ZNF804A: variants seen among roughly 807,000 people sequenced by gnomAD.
ZNF804A encodes the protein zinc finger protein 804A.
ZNF804A carries 2 observed loss-of-function variants against 16.5 expected under a neutral mutation model. The ratio of observed to expected loss-of-function variants is 0.12; its 90% confidence interval spans 0.05 to 0.38. ZNF804A has a LOEUF of 0.38. Among genes scored for constraint, ZNF804A ranks in the 10% least tolerant of loss-of-function variants. The pLI, the probability that ZNF804A is intolerant of heterozygous loss-of-function variation, is 0.99. For synonymous variants in ZNF804A, 534 were observed against 489.6 expected (o/e 1.09, Z -1.20); for missense variants, 1,473 against 1,390.7 (o/e 1.06, Z -0.94).
chr2:184,823,869 G>A (rs536491911), intron 1 of ZNF804A, among the ~76,000 whole-genome samples: 3 of 151,938 alleles, frequency 2.0e-5, no homozygotes, highest in African/African-American at 7.2e-5. Flanking sequence ...GATTCCAGCA[G>A]GTAAGAAAAA....
chr2:184,927,671 G>C (rs923995887), intron 2 of ZNF804A, among the ~76,000 whole-genome samples: 1 of 152,050 alleles, frequency 6.6e-6, no homozygotes, highest in African/African-American at 2.4e-5. Context: ...TTGTACTGTC[G>C]CTGAGCTGGC....
intron 1 of ZNF804A, among the ~76,000 whole-genome samples, chr2:184,793,537 T>C (rs1406310791): frequency 6.6e-6 from 1 of 152,284 alleles, no homozygotes; most frequent in African/African-American, 2.4e-5. Flanking sequence ...TGTTGAGCAA[T>C]TTTTCATATG....
chr2:184,707,840 C>T (rs950839936), intron 1 of ZNF804A, among the ~76,000 whole-genome samples: 4 of 151,882 alleles, frequency 2.6e-5, no homozygotes, highest in African/African-American at 4.8e-5. Flanking sequence ...AATGGTAGTT[C>T]GAAGTTCTTT....
chr2:184,862,121 T>C (rs1695810153), intron 1 of ZNF804A, among the ~76,000 whole-genome samples: 1 of 152,174 alleles, frequency 6.6e-6, no homozygotes, highest in African/African-American at 2.4e-5. Context: ...GTGAACATTT[T>C]GGATTGTATA....
intron 1 of ZNF804A, among the ~76,000 whole-genome samples, chr2:184,680,739 T>C (rs1199923706): frequency 1.3e-5 from 2 of 152,270 alleles, no homozygotes; most frequent in African/African-American, 2.4e-5. Context: ...ATGGCAGGGC[T>C]GAAAGAACTG....
At chr2:184,898,942 G>C (rs921702056) in intron 2 of ZNF804A, among the ~76,000 whole-genome samples, 1 of 151,784 alleles carries the variant, frequency 6.6e-6, no homozygotes, top group African/African-American at 2.4e-5. Context: ...TACAATTAGT[G>C]GTCATTATAA....
intron 1 of ZNF804A, among the ~76,000 whole-genome samples, chr2:184,603,185 T>C (rs1414407006): frequency 6.6e-6 from 1 of 152,180 alleles, no homozygotes; most frequent in Non-Finnish European, 1.5e-5. Flanking sequence ...CATTCAAATT[T>C]ATCGAGGTGC....
intron 1 of ZNF804A, among the ~76,000 whole-genome samples, chr2:184,756,723 A>C (rs1243861555): frequency 2.6e-5 from 4 of 152,064 alleles, no homozygotes; most frequent in Non-Finnish European, 5.9e-5. Flanking sequence ...TAGACATTTA[A>C]ATACATGTGT....
chr2:184,642,742 T>C (rs144870006), intron 1 of ZNF804A, among the ~76,000 whole-genome samples: 72 of 152,294 alleles, frequency 4.7e-4, no homozygotes, highest in African/African-American at 1.7e-3. Flanking sequence ...GGATAACAAT[T>C]ATAGAAGCTC....
chr2:184,807,881 A>G (rs1049591039), intron 1 of ZNF804A, among the ~76,000 whole-genome samples: 1 of 151,756 alleles, frequency 6.6e-6, no homozygotes, highest in African/African-American at 2.4e-5. Context: ...ATTTAGAGAA[A>G]GGGCAAGAAA....
chr2:184,610,913 A>C (rs1434022270), intron 1 of ZNF804A, among the ~76,000 whole-genome samples: 1 of 152,220 alleles, frequency 6.6e-6, no homozygotes, highest in African/African-American at 2.4e-5. Context: ...GGATTTACAT[A>C]ATTTGGACAC....
chr2:184,686,877 C>A (rs1692644752), intron 1 of ZNF804A, among the ~76,000 whole-genome samples: 1 of 152,084 alleles, frequency 6.6e-6, no homozygotes, highest in Non-Finnish European at 1.5e-5. Flanking sequence ...TTGTCCATTT[C>A]ACAATTTTTT....
intron 1 of ZNF804A, among the ~76,000 whole-genome samples, chr2:184,641,185 T>G (rs916960894): frequency 6.6e-6 from 1 of 152,122 alleles, no homozygotes; most frequent in African/African-American, 2.4e-5. Context: ...ACTCATGACC[T>G]CATGATCTGC....
intron 1 of ZNF804A, among the ~76,000 whole-genome samples, chr2:184,734,390 T>TA (rs1209562570): frequency 1.3e-5 from 2 of 152,188 alleles, no homozygotes; most frequent in African/African-American, 2.4e-5. Context: ...TTCAAAATAT[T>TA]AAAAAAATTC....
At chr2:184,908,616 A>G (rs898584961) in intron 2 of ZNF804A, among the ~76,000 whole-genome samples, 2 of 152,176 alleles carry the variant, frequency 1.3e-5, no homozygotes, top group Non-Finnish European at 2.9e-5. Flanking sequence ...TTTATTCAAT[A>G]TTAAGATTAG....
chr2:184,834,573 T>C (rs776523032), intron 1 of ZNF804A, among the ~76,000 whole-genome samples: 1 of 152,088 alleles, frequency 6.6e-6, no homozygotes, highest in Non-Finnish European at 1.5e-5. Flanking sequence ...TTCCTTTCTC[T>C]CTCTCTCAGA....
intron 1 of ZNF804A, among the ~76,000 whole-genome samples, chr2:184,745,488 G>A (rs1693775317): frequency 6.6e-6 from 1 of 151,548 alleles, no homozygotes; most frequent in African/African-American, 2.4e-5. Flanking sequence ...TACTGATGCG[G>A]TTTTTCAAGA....
chr2:184,744,524 T>C (rs983892037), intron 1 of ZNF804A, among the ~76,000 whole-genome samples: 1 of 151,832 alleles, frequency 6.6e-6, no homozygotes, highest in Non-Finnish European at 1.5e-5. Flanking sequence ...GGAATATCTA[T>C]GAACCAGAAA....
At chr2:184,865,658 T>C (rs1194054749) in intron 1 of ZNF804A, among the ~76,000 whole-genome samples, 1 of 152,208 alleles carries the variant, frequency 6.6e-6, no homozygotes, top group Non-Finnish European at 1.5e-5. Context: ...GATGACTGGC[T>C]ATATGTTCAT....
Sources: gnomAD v4.1 joint callset for allele counts (sites outside exome capture counted in the v4.1 genomes callset) on GRCh38, gnomAD v4.1.1 for gene constraint, MANE v1.5 for transcripts, NCBI Gene and HGNC (gene_info 2026-07-23, HGNC 2026-07-21) for gene names.